REV3L: variants seen among roughly 807,000 people sequenced by gnomAD.
REV3L encodes the protein DNA polymerase zeta catalytic subunit.
In REV3L, 69 loss-of-function variants were observed where a neutral mutation model predicts 299.4. The ratio of observed to expected loss-of-function variants is 0.23; its 90% CI spans 0.19 to 0.28. REV3L has a LOEUF of 0.28. Among genes scored for constraint, REV3L ranks in the 10% least tolerant of loss-of-function variants. REV3L has a pLI of 1.00. For synonymous variants in REV3L, 1,238 were observed against 1,271.4 expected, an observed-to-expected ratio of 0.97 and a Z score of 0.56; for missense variants, 3,128 against 3,693.8, an observed-to-expected ratio of 0.85 and a Z score of 3.97.
intron 6 of REV3L, 107 bp from the exon 7 acceptor site, chr6:111,389,317 T>A: frequency 1.2e-6 from 1 of 809,702 alleles, no homozygotes. Flanking sequence ...CAATCACATA[T>A]TTTGTGTAAT....
chr6:111,454,444 A>G (rs1212024617), intron 1 of REV3L, among the ~76,000 whole-genome samples: 6 of 152,074 alleles, frequency 3.9e-5, no homozygotes, highest in Admixed American at 3.9e-4. Context: ...TATACAATTC[A>G]GTGGCATTAA....
rs1477191164 is a variant in REV3L, at chr6:111,377,767, C to T, written c.1531G>A (p.Asp511Asn). 6.2e-7 allele frequency: 1 copy of T among 1,613,588 alleles called. No individual in the cohort carries two copies. The highest frequency in any genetic ancestry group is 8.5e-7 in the Non-Finnish European group (1 of 1,179,692). The change falls in exon 12 of 32, where the codon GAT becomes AAT. Residue 511 changes from aspartate (D) to asparagine (N), a missense_variant. Asp to Asn is a conservative substitution (Grantham distance 23). This residue lies in a region of REV3L where 2,409 missense variants were observed against 2,611.8 expected (regional missense o/e 0.92). Coordinates refer to ENST00000368802, the MANE Select transcript of REV3L (RefSeq NM_001372078.1). ...AGACTGGCTAGAAGCAAACTGTTAT[C>T]ACTCCATTCCATTTCTTCTCCTGAA... is the stretch of plus-strand genomic sequence containing the variant. ...SSSGEEMEWS[D>N]NSLLLASLSI... is the part of the protein sequence containing the mutation.
chr6:111,360,064 T>C (rs139002549), intron 16 of REV3L, among the ~76,000 whole-genome samples: 1 of 152,106 alleles, frequency 6.6e-6, no homozygotes, highest in Non-Finnish European at 1.5e-5. Context: ...TACTCGAGAA[T>C]AGCAAAGACT....
chr6:111,401,973 G>A (rs771738401), intron 4 of REV3L, among the ~76,000 whole-genome samples: 16 of 152,008 alleles, frequency 1.1e-4, no homozygotes, highest in Non-Finnish European at 1.9e-4. Flanking sequence ...AATTAGCTAG[G>A]TGCGGTGGCA....
At chr6:111,301,194 C>T (rs1003700596) in intron 31 of REV3L, among the ~76,000 whole-genome samples, 2 of 152,128 alleles carry the variant, frequency 1.3e-5, no homozygotes, top group African/African-American at 4.8e-5. Flanking sequence ...TCCAGCCTGG[C>T]GAATTCTAGT....
At position 111,344,003 on chromosome 6, in the gene REV3L, T is replaced by C; in HGVS notation, c.7460A>G (p.His2487Arg). 6.2e-7 allele frequency: 1 copy of C among 1,612,406 alleles called. No individual in the cohort carries two copies. Among genetic ancestry groups the C allele is most frequent in the South Asian group, 1.1e-5 (1 of 90,696 alleles). The change falls in exon 21 of 32, where the codon CAT becomes CGT. Residue 2487 changes from histidine to arginine, a missense_variant. By Grantham distance (29) the His-to-Arg change is conservative. Coordinates refer to ENST00000368802, the MANE Select transcript of REV3L (RefSeq NM_001372078.1). The part of the protein sequence containing the change: ...TNYTFENVSF[H>R]VLHQRFPLFT... Reference sequence around the variant, plus strand: ...GAGGGGAAAACGCTGATGAAGAACATGAAAGCTCACATTTTCAAAGGTGTA... The same window carrying C: ...GAGGGGAAAACGCTGATGAAGAACACGAAAGCTCACATTTTCAAAGGTGTA...
In REV3L at chr6:111,374,558, T is replaced by C. The variant is rs577183882; in HGVS notation, c.3797A>G (p.Asp1266Gly). The change falls in exon 13 of 32, where the codon GAT (aspartate) becomes GGT (glycine). Residue 1266 changes from aspartate (D) to glycine (G), a missense_variant. Physicochemically the swap from Asp to Gly is moderately conservative, Grantham distance 94 (BLOSUM62 -1). Around this residue, in one of 9 missense-constraint regions of REV3L, gnomAD observed 2,409 missense variants for 2,611.8 expected, o/e 0.92. Transcript: ENST00000368802. ...GGSQLLFKQK[D>G]MPLMGSAVDH... is the part of the protein sequence containing the mutation. ...TACAGCAGAGCCCATTAGTGGCATA[T>C]CTTTCTGTTTAAAAAGTAGTTGAGA... 3.1e-6 allele frequency: 5 copies of C among 1,614,052 alleles called. No homozygotes were observed. The African/African-American group carries it at 4.0e-5, about 13-fold the overall frequency.
chr6:111,381,397 T>C lies in REV3L; in HGVS notation c.1144A>G (p.Ile382Val). 1 of 1,613,532 alleles carries C rather than the reference T, an allele frequency of 6.2e-7. No homozygotes were observed. The highest frequency in any genetic ancestry group is 8.5e-7 in the Non-Finnish European group (1 of 1,179,730). ...TGACTATTTTCCATAAGGTTCAAAA[T>C]TGCTTCTTCATTAATAAGAGCTTCT... ...VEEALINEEA[I>V]LNLMENSQTF... is the part of the protein sequence containing the mutation. The change falls in exon 10 of 32, where the codon ATT (isoleucine) becomes GTT (valine). Residue 382 changes from isoleucine (I) to valine (V), a missense_variant. By Grantham distance (29) the Ile-to-Val change is conservative. This residue lies in a region of REV3L where 2,409 missense variants were observed against 2,611.8 expected (regional missense o/e 0.92). Coordinates refer to ENST00000368802, the MANE Select transcript of REV3L (RefSeq NM_001372078.1).
rs3218580 is a variant in REV3L, at chr6:111,416,269, T to C, written c.329+14A>G. 1.3e-6 allele frequency: 2 copies of C among 1,518,874 alleles called. No homozygotes were observed. Among genetic ancestry groups the C allele is most frequent in the African/African-American group, 1.4e-5 (1 of 71,642 alleles). The allele number at this position is 1,518,874 out of a possible 1,614,324, so 94.1% of individuals were successfully genotyped here. A position where few individuals can be genotyped will look rare whatever the true frequency, so the allele number is the denominator to read the frequency against. On this transcript the variant is annotated intron_variant, in intron 2 of 31. Coordinates refer to ENST00000368802, the MANE Select transcript of REV3L (RefSeq NM_001372078.1). ...CATAAACAGAAATTATAAAATATAT[T>C]ATCATATACTTACATTCCTGATACT...
At chr6:111,440,516 AC>A (rs199950879) in intron 1 of REV3L, among the ~76,000 whole-genome samples, 7,036 of 152,320 alleles carry the variant, frequency 0.046, 227 homozygotes, top group Middle Eastern at 0.085. Context: ...AACTGCAATT[AC>A]TTATAAGGGA....
chr6:111,479,476 A>G (rs1793346425), intron 1 of REV3L, among the ~76,000 whole-genome samples: 1 of 147,240 alleles, frequency 6.8e-6, no homozygotes, highest in Non-Finnish European at 1.5e-5. Context: ...ATCAGTCAGG[A>G]TTTACCATTC....
At chr6:111,322,395 C>T (rs1215765337) in intron 26 of REV3L, among the ~76,000 whole-genome samples, 174 bp downstream of exon 26, 1 of 152,146 alleles carries the variant, frequency 6.6e-6, no homozygotes, top group Non-Finnish European at 1.5e-5. Flanking sequence ...CTGTCTCTTA[C>T]GATCCTATCT....
At chr6:111,307,245 CTCTT>C in intron 31 of REV3L, 112 bp downstream of exon 31, 3 of 798,640 alleles carry the variant, frequency 3.8e-6, no homozygotes, top group Non-Finnish European at 6.3e-6. Flanking sequence ...ATCATTTAGA[CTCTT>C]CATTTCACTT....
Position 111,331,832 on chromosome 6 carries a change from C to T in REV3L, c.7926-48G>A, listed in dbSNP as rs542293920. On this transcript the variant is annotated intron_variant, in intron 23 of 31. Transcript: ENST00000368802. The stretch of plus-strand genomic sequence containing the variant: ...GCAAATACTTCCTCAAATCATAGAA[C>T]AGAGATTTTACGCAATTTAAAAAAT... 24 of 1,223,752 alleles carry T rather than the reference C, an allele frequency of 2.0e-5. No individual in the cohort carries two copies. The African/African-American group carries it at 3.0e-4, about 15-fold the overall frequency. 75.8% of individuals were successfully genotyped at this position (1,223,752 alleles called of 1,614,324 possible).
intron 25 of REV3L, among the ~76,000 whole-genome samples, chr6:111,324,890 C>G (rs1260272144): frequency 1.3e-5 from 2 of 149,228 alleles, no homozygotes; most frequent in Non-Finnish European, 3.0e-5. Context: ...GAGATGGAGT[C>G]TCACTCTGTC....
At chr6:111,313,523 C>A in intron 27 of REV3L, 34 bp from the exon 28 acceptor site, 1 of 1,565,336 alleles carries the variant, frequency 6.4e-7, no homozygotes, top group Non-Finnish European at 8.6e-7. Context: ...CTCTTAAAAA[C>A]CATTTCCCCC....
intron 18 of REV3L, chr6:111,353,852 G>A (rs1343770407): frequency 6.6e-6 from 1 of 152,090 alleles, no homozygotes; most frequent in East Asian, 1.9e-4. Flanking sequence ...ACTCTTCTTA[G>A]TCCAAAGACA....
intron 6 of REV3L, 40 bp downstream of exon 6, chr6:111,390,045 TA>T (rs775372955): frequency 3.5e-6 from 5 of 1,424,308 alleles, no homozygotes; most frequent in Non-Finnish European, 4.9e-6. Context: ...TCATTAATTT[TA>T]AAAAATAAAA....
At chr6:111,460,167 C>T (rs781334075) in intron 1 of REV3L, 3 of 151,994 alleles carry the variant, frequency 2.0e-5, no homozygotes, top group Non-Finnish European at 2.9e-5. Context: ...AATGGAGAAA[C>T]AGAAAACCAA....
Sources: allele counts gnomAD v4.1 joint callset (sites outside exome capture counted in the v4.1 genomes callset), GRCh38; gene constraint gnomAD v4.1.1; regional missense constraint gnomAD v4.1.1; transcripts MANE v1.5; gene names NCBI Gene and HGNC (gene_info 2026-07-23, HGNC 2026-07-21).